The following SGCZ variants were observed in gnomAD, a reference collection of about 807,000 sequenced individuals.
SGCZ encodes the protein sarcoglycan zeta.
SGCZ carries 40 observed loss-of-function variants against 41.3 expected under a neutral mutation model. The ratio of observed to expected loss-of-function variants is 0.97; its 90% CI spans 0.75 to 1.26. The LOEUF is 1.26. Ranked by LOEUF, SGCZ falls within the 50% of genes most tolerant of loss-of-function variation. The pLI, the probability that SGCZ is intolerant of heterozygous loss-of-function variation, is 0.00. For missense variants in SGCZ, 552 were observed against 369.8 expected, an observed-to-expected ratio of 1.49 and a Z score of -4.04; for synonymous variants, 206 against 137.5, an observed-to-expected ratio of 1.50 and a Z score of -3.49.
At chr8:14,435,726 T>C (rs1182337259) in intron 2 of SGCZ, among the ~76,000 whole-genome samples, 1 of 152,192 alleles carries the variant, frequency 6.6e-6, no homozygotes, top group South Asian at 2.1e-4. Flanking sequence ...AAGTAGACAT[T>C]TGAATATGAT....
intron 4 of SGCZ, among the ~76,000 whole-genome samples, chr8:14,214,340 A>T (rs977972657): frequency 2.6e-5 from 4 of 152,152 alleles, no homozygotes; most frequent in African/African-American, 9.7e-5. Context: ...AAGACTACTA[A>T]ATGTAGTGTG....
chr8:14,644,805 A>G (rs539683500), intron 1 of SGCZ, among the ~76,000 whole-genome samples: 1 of 151,776 alleles, frequency 6.6e-6, no homozygotes, highest in Non-Finnish European at 1.5e-5. Flanking sequence ...TGAGATTACC[A>G]ACTAATTCTA....
chr8:14,395,891 C>T (rs143478955), intron 2 of SGCZ, among the ~76,000 whole-genome samples: 4 of 152,308 alleles, frequency 2.6e-5, no homozygotes, highest in African/African-American at 9.6e-5. Flanking sequence ...AGTATCTGTT[C>T]GCTTCTCAAT....
chr8:14,609,300 G>A lies in SGCZ; in HGVS notation c.40-54374C>T, dbSNP rs554789382. On this transcript the variant is annotated intron_variant, in intron 1 of 7. Coordinates refer to ENST00000382080, the MANE Select transcript of SGCZ (RefSeq NM_139167.4). ...TGATTCGTTATTATATAACGTCAATGCTGGTATTACAATGAAATAAATTAG... is the reference window on the plus strand; with the variant it reads ...TGATTCGTTATTATATAACGTCAATACTGGTATTACAATGAAATAAATTAG... Among the ~76,000 whole-genome samples the A allele has an allele frequency of 4.1e-4, 63 of 152,124 alleles. 1 individual carries two copies. The highest frequency in any genetic ancestry group is 1.5e-3 in the African/African-American group (61 of 41,508).
At chr8:15,204,395 GCATGAATTAAATCCA>G (rs1301640165) in intron 1 of SGCZ, among the ~76,000 whole-genome samples, 1 of 152,160 alleles carries the variant, frequency 6.6e-6, no homozygotes, top group Non-Finnish European at 1.5e-5. Flanking sequence ...TAGGAAAATA[GCATGAATTAAATCCA>G]CATTATCTGT....
chr8:14,404,667 G>A (rs1330351809), intron 2 of SGCZ, among the ~76,000 whole-genome samples: 1 of 152,160 alleles, frequency 6.6e-6, no homozygotes, highest in East Asian at 1.9e-4. Flanking sequence ...AAGATTCTTA[G>A]ACCAGTTCTT....
chr8:14,678,483 G>A (rs1418303418), intron 1 of SGCZ, among the ~76,000 whole-genome samples: 2 of 152,108 alleles, frequency 1.3e-5, no homozygotes, highest in African/African-American at 2.4e-5. Flanking sequence ...AAACAACAAT[G>A]ATATGCCACT....
intron 5 of SGCZ, among the ~76,000 whole-genome samples, chr8:14,136,425 G>A (rs1004871053): frequency 1.3e-5 from 2 of 152,170 alleles, no homozygotes; most frequent in Non-Finnish European, 2.9e-5. Context: ...ATGGTACCTT[G>A]AAAATTGGGA....
chr8:14,184,875 G>A lies in SGCZ; in HGVS notation c.425-20173C>T, dbSNP rs914862672. Reference sequence around the variant, plus strand: ...CTTAAAACTATACCAGAATACATTAGAGCATGAAGATTTAGTATCTTATAA... The same window carrying A: ...CTTAAAACTATACCAGAATACATTAAAGCATGAAGATTTAGTATCTTATAA... On this transcript the variant is annotated intron_variant, in intron 4 of 7. Transcript: ENST00000382080. Among the ~76,000 whole-genome samples, 5 of 152,218 alleles carry A rather than the reference G, an allele frequency of 3.3e-5. 1 individual carries two copies. In the East Asian group the frequency reaches 7.7e-4, roughly 24 times the overall value.
chr8:14,165,897 T>A (rs1281406976), intron 4 of SGCZ, among the ~76,000 whole-genome samples: 1 of 152,098 alleles, frequency 6.6e-6, no homozygotes, highest in Non-Finnish European at 1.5e-5. Flanking sequence ...CATCCATTCA[T>A]TGGTCCCTAA....
intron 5 of SGCZ, among the ~76,000 whole-genome samples, chr8:14,110,062 T>C (rs1190688765): frequency 6.6e-6 from 1 of 152,158 alleles, no homozygotes; most frequent in Non-Finnish European, 1.5e-5. Context: ...TCTTTTGATA[T>C]TTTGGAAGAT....
chr8:14,800,782 C>T (rs1222058453), intron 1 of SGCZ, among the ~76,000 whole-genome samples: 1 of 152,106 alleles, frequency 6.6e-6, no homozygotes, highest in African/African-American at 2.4e-5. Flanking sequence ...TACCCAGTGT[C>T]TAGTATGTTT....
chr8:14,106,555 T>C (rs534058691), intron 6 of SGCZ, among the ~76,000 whole-genome samples: 2 of 152,348 alleles, frequency 1.3e-5, no homozygotes, highest in East Asian at 1.9e-4. Flanking sequence ...CATAGGACTC[T>C]GACTAAAAAA....
intron 2 of SGCZ, among the ~76,000 whole-genome samples, chr8:14,524,490 G>T (rs1374794405): frequency 6.6e-6 from 1 of 152,032 alleles, no homozygotes. Context: ...CAAAAGGCAA[G>T]AAAGAAAGTC....
At chr8:14,667,142 A>T (rs1807936474) in intron 1 of SGCZ, among the ~76,000 whole-genome samples, 1 of 152,146 alleles carries the variant, frequency 6.6e-6, no homozygotes, top group Non-Finnish European at 1.5e-5. Flanking sequence ...GAAAGTTTCC[A>T]ATAAATATTC....
At chr8:14,760,143 A>G (rs538470348) in intron 1 of SGCZ, among the ~76,000 whole-genome samples, 3 of 152,312 alleles carry the variant, frequency 2.0e-5, no homozygotes, top group African/African-American at 7.2e-5. Flanking sequence ...TTCATACTTA[A>G]TTATGTAAAT....
intron 3 of SGCZ, among the ~76,000 whole-genome samples, chr8:14,295,368 A>C (rs1800973156): frequency 6.6e-6 from 1 of 152,278 alleles, no homozygotes; most frequent in Admixed American, 6.5e-5. Context: ...TGCTTATATG[A>C]TATTCTGGAC....
At chr8:14,969,243 G>T (rs1801216832) in intron 1 of SGCZ, among the ~76,000 whole-genome samples, 1 of 152,048 alleles carries the variant, frequency 6.6e-6, no homozygotes, top group South Asian at 2.1e-4. Flanking sequence ...TTATATTTGG[G>T]TGTCCACGAG....
At chr8:14,431,301 C>A (rs1232185562) in intron 2 of SGCZ, among the ~76,000 whole-genome samples, 1 of 152,110 alleles carries the variant, frequency 6.6e-6, no homozygotes, top group Non-Finnish European at 1.5e-5. Context: ...ACTATAAGAT[C>A]TTATTCACCC....
Sources: gnomAD v4.1 joint callset for allele counts (sites outside exome capture counted in the v4.1 genomes callset) on GRCh38, gnomAD v4.1.1 for gene constraint, MANE v1.5 for transcripts, NCBI Gene and HGNC (gene_info 2026-07-23, HGNC 2026-07-21) for gene names.